The following KCNQ5 variants were observed in gnomAD, a reference collection of about 807,000 sequenced individuals.
KCNQ5 encodes potassium voltage-gated channel subfamily Q member 5.
Under a neutral mutation model 98.2 loss-of-function variants are expected in KCNQ5, and 30 were observed. That is an observed-to-expected ratio of 0.31 (90% CI 0.23 to 0.41). The LOEUF (loss-of-function observed/expected upper bound fraction) is 0.41. Among genes scored for constraint, KCNQ5 ranks in the 10% least tolerant of loss-of-function variants. The pLI is 1.00. For synonymous variants in KCNQ5, 458 were observed against 449.4 expected, an observed-to-expected ratio of 1.02 and a Z score of -0.24; for missense variants, 835 against 1,182.5, an observed-to-expected ratio of 0.71 and a Z score of 4.31.
At chr6:72,901,444 T>A (rs1779503163) in intron 1 of KCNQ5, among the ~76,000 whole-genome samples, 1 of 152,116 alleles carries the variant, frequency 6.6e-6, no homozygotes, top group Admixed American at 6.5e-5. Flanking sequence ...TAGAAGGGGT[T>A]TTCCAATGTT....
chr6:73,027,483 TA>T (rs1770942080), intron 2 of KCNQ5, among the ~76,000 whole-genome samples: 1 of 152,230 alleles, frequency 6.6e-6, no homozygotes, highest in African/African-American at 2.4e-5. Flanking sequence ...GGAGGAGGCA[TA>T]TCTCCTATCA....
chr6:73,046,997 A>G (rs1002897098), intron 3 of KCNQ5, among the ~76,000 whole-genome samples: 6 of 152,214 alleles, frequency 3.9e-5, no homozygotes, highest in Non-Finnish European at 7.3e-5. Context: ...AAGACTTTAT[A>G]GATGAGGAAG....
intron 1 of KCNQ5, among the ~76,000 whole-genome samples, chr6:72,811,696 A>C (rs1289802338): frequency 6.6e-6 from 1 of 152,156 alleles, no homozygotes; most frequent in Non-Finnish European, 1.5e-5. Context: ...GTGGAGGCCA[A>C]GTTCCAGGTG....
chr6:72,642,136 A>C (rs1418808046), intron 1 of KCNQ5, among the ~76,000 whole-genome samples: 2 of 149,468 alleles, frequency 1.3e-5, no homozygotes, highest in Non-Finnish European at 3.0e-5. Flanking sequence ...CCTAGGGAAG[A>C]GGGTTAGCTT....
intron 1 of KCNQ5, among the ~76,000 whole-genome samples, chr6:72,726,988 CTTAG>C (rs1400345146): frequency 6.6e-6 from 1 of 152,210 alleles, no homozygotes; most frequent in Non-Finnish European, 1.5e-5. Flanking sequence ...TCAGATCACT[CTTAG>C]TCGTGACATG....
intron 1 of KCNQ5, among the ~76,000 whole-genome samples, chr6:72,661,276 C>T (rs1249835797): frequency 6.6e-6 from 1 of 151,910 alleles, no homozygotes; most frequent in African/African-American, 2.4e-5. Context: ...TGGAGTACAA[C>T]ATAATATTGA....
intron 1 of KCNQ5, among the ~76,000 whole-genome samples, chr6:72,872,860 C>T (rs576037038): frequency 2.6e-4 from 39 of 152,040 alleles, no homozygotes; most frequent in African/African-American, 8.7e-4. Context: ...AATTGATGTC[C>T]GTATTTTACA....
At chr6:73,034,085 C>T (rs1771282054) in intron 2 of KCNQ5, among the ~76,000 whole-genome samples, 1 of 152,188 alleles carries the variant, frequency 6.6e-6, no homozygotes, top group Non-Finnish European at 1.5e-5. Context: ...TTGGAGCCAT[C>T]TCTAGATCTT....
chr6:72,750,424 G>A (rs1025877253), intron 1 of KCNQ5, among the ~76,000 whole-genome samples: 1 of 152,092 alleles, frequency 6.6e-6, no homozygotes. Context: ...GTTTACTTGG[G>A]TAAGATAACC....
chr6:73,120,625 C>A, intron 8 of KCNQ5, 48 bp downstream of exon 8: 1 of 1,283,836 alleles, frequency 7.8e-7, no homozygotes, highest in South Asian at 1.3e-5. Flanking sequence ...CTTTTCAAGT[C>A]TGTTAAACAA....
intron 1 of KCNQ5, among the ~76,000 whole-genome samples, chr6:72,885,169 A>G (rs1398715751): frequency 6.6e-6 from 1 of 152,224 alleles, no homozygotes. Flanking sequence ...ATTATTTTTA[A>G]TTTGTCAGCT....
intron 1 of KCNQ5, among the ~76,000 whole-genome samples, chr6:72,894,906 A>G (rs760052236): frequency 5.9e-5 from 9 of 152,044 alleles, no homozygotes; most frequent in Non-Finnish European, 1.3e-4. Flanking sequence ...ATGTGGTCAG[A>G]CAAGGATTTG....
rs188572285 is a variant in KCNQ5, at chr6:72,735,784, A to G, written c.398+113197A>G. On this transcript the variant is annotated intron_variant, in intron 1 of 13. Coordinates refer to ENST00000370398, the MANE Select transcript of KCNQ5 (RefSeq NM_019842.4). ...AAATGTAGTCATTTTAGATGCTTTG[A>G]AAAATGAAGAAGCTTTCATCTCTCT... is the stretch of plus-strand genomic sequence containing the variant. 2.0e-5 allele frequency among the ~76,000 whole-genome samples: 3 copies of G among 152,146 alleles called. No individual in the cohort carries two copies. The East Asian group carries it at 5.8e-4, about 29-fold the overall frequency.
chr6:73,092,547 A>G (rs1774298178), intron 5 of KCNQ5, among the ~76,000 whole-genome samples: 2 of 151,928 alleles, frequency 1.3e-5, no homozygotes, highest in Non-Finnish European at 2.9e-5. Context: ...CTTTTATTAC[A>G]TTGTTATATT....
At chr6:73,190,409 C>G (rs1288459036) in intron 11 of KCNQ5, among the ~76,000 whole-genome samples, 164 bp from the exon 12 acceptor site, 1 of 152,142 alleles carries the variant, frequency 6.6e-6, no homozygotes, top group African/African-American at 2.4e-5. Context: ...CTTAAATTGT[C>G]CACTGTAATC....
At chr6:73,050,028 AAAAAACAAACAAAAAC>A (rs1772147739) in intron 3 of KCNQ5, among the ~76,000 whole-genome samples, 1 of 152,082 alleles carries the variant, frequency 6.6e-6, no homozygotes. Context: ...ATCTCTACAA[AAAAAACAAACAAAAAC>A]AAAAACAAAC....
rs144045634 is a variant in KCNQ5, at chr6:72,719,524, A to G, written c.398+96937A>G. On this transcript the variant is annotated intron_variant, in intron 1 of 13. Transcript: ENST00000370398. ...GATATTTGGCTAATGAAAAACCTGGATACTAAATGGCCAAGCCAAGCCAGG... is the reference window on the plus strand; with the variant it reads ...GATATTTGGCTAATGAAAAACCTGGGTACTAAATGGCCAAGCCAAGCCAGG... 3.9e-5 allele frequency among the ~76,000 whole-genome samples: 6 copies of G among 152,366 alleles called. No homozygotes were observed. In the East Asian group the frequency reaches 1.2e-3, roughly 29 times the overall value.
Position 72,622,492 on chromosome 6 carries a change from C to T in KCNQ5, c.303C>T (p.Ser101=), listed in dbSNP as rs375848429. 1 of 1,610,182 alleles carries T rather than the reference C, an allele frequency of 6.2e-7. No homozygotes were observed. The highest frequency in any genetic ancestry group is 1.1e-5 in the South Asian group (1 of 90,936). ...GKPLSYTSSQ[S]CRRNVKYRRV... ...CGCTCTCTTACACGAGTAGCCAGAG[C>T]TGCCGGCGCAACGTCAAGTACCGGC... is the stretch of plus-strand genomic sequence containing the variant. Residue 101 remains serine (S), a synonymous_variant, in exon 1 of 14, where the codon AGC becomes AGT. Transcript: ENST00000370398. This position sits in a 1 kb window ranked among gnomAD's most constrained non-coding sequence, Gnocchi z 6.0.
rs1312576172 is a variant in KCNQ5 at position 72,847,844 on chromosome 6, A to G, written c.399-156064A>G. On this transcript the variant is annotated intron_variant, in intron 1 of 13. Coordinates refer to ENST00000370398, the MANE Select transcript of KCNQ5 (RefSeq NM_019842.4). ...CCACTCTTCTTCATGGAGACTTCCA[A>G]ACCAAACCATCTCTGACACTTAGAG... is the stretch of plus-strand genomic sequence containing the variant. Among the ~76,000 whole-genome samples, 4 of 152,228 alleles carry G rather than the reference A, an allele frequency of 2.6e-5. No individual in the cohort carries two copies. The East Asian group carries it at 7.7e-4, about 29-fold the overall frequency.
Sources: gnomAD v4.1 joint callset for allele counts (sites outside exome capture counted in the v4.1 genomes callset) on GRCh38, gnomAD v4.1.1 for gene constraint, Gnocchi (gnomAD v3.1) non-coding constraint, MANE v1.5 for transcripts, NCBI Gene and HGNC (gene_info 2026-07-23, HGNC 2026-07-21) for gene names.